The following KIAA1328 variants were observed in gnomAD, a reference collection of about 807,000 sequenced individuals.
KIAA1328 encodes the protein protein hinderin.
KIAA1328 carries 52 observed loss-of-function variants against 68.1 expected under a neutral mutation model. The observed-to-expected ratio is 0.76, with a 90% CI of 0.61 to 0.96. The LOEUF is 0.96. Ranked by LOEUF, KIAA1328 falls within the 40% of genes least tolerant of loss-of-function variation. The pLI is 0.00. For missense variants in KIAA1328, 641 were observed against 677.6 expected, an observed-to-expected ratio of 0.95 and a Z score of 0.60; for synonymous variants, 232 against 239.4, an observed-to-expected ratio of 0.97 and a Z score of 0.28.
chr18:37,079,804 T>C (rs1347321988), intron 7 of KIAA1328, among the ~76,000 whole-genome samples: 2 of 151,726 alleles, frequency 1.3e-5, no homozygotes, highest in Non-Finnish European at 2.9e-5. Context: ...CGGGAATCGC[T>C]TGAGTGCGGG....
chr18:36,897,998 G>A (rs2048920849), intron 5 of KIAA1328, among the ~76,000 whole-genome samples: 1 of 151,928 alleles, frequency 6.6e-6, no homozygotes, highest in Non-Finnish European at 1.5e-5. Flanking sequence ...GAAGCCAATA[G>A]TATTTTGGAA....
At chr18:36,953,415 TAG>T (rs1185622041) in intron 5 of KIAA1328, among the ~76,000 whole-genome samples, 8 of 137,448 alleles carry the variant, frequency 5.8e-5, no homozygotes, top group African/African-American at 2.1e-4. Flanking sequence ...GATAGATAGA[TAG>T]ATAGAGATAG....
intron 6 of KIAA1328, among the ~76,000 whole-genome samples, chr18:37,022,227 C>CT (rs2054376227): frequency 1.3e-5 from 2 of 151,964 alleles, no homozygotes; most frequent in African/African-American, 2.4e-5. Flanking sequence ...GTCCATTTCT[C>CT]TTTTAGTCTG....
intron 4 of KIAA1328, among the ~76,000 whole-genome samples, chr18:36,876,282 A>T (rs78846473): frequency 6.6e-6 from 1 of 152,168 alleles, no homozygotes; most frequent in African/African-American, 2.4e-5. Context: ...TTTGGCTGTC[A>T]ATCAGTCTGG....
At chr18:37,104,834 A>G (rs1190828965) in intron 7 of KIAA1328, among the ~76,000 whole-genome samples, 2 of 152,160 alleles carry the variant, frequency 1.3e-5, no homozygotes, top group African/African-American at 4.8e-5. Flanking sequence ...AATTTTAATC[A>G]TATCAAAAAG....
At chr18:36,945,112 T>C (rs1271213413) in intron 5 of KIAA1328, among the ~76,000 whole-genome samples, 1 of 152,224 alleles carries the variant, frequency 6.6e-6, no homozygotes, top group Non-Finnish European at 1.5e-5. Context: ...GGCTAACTTA[T>C]GTAGTATTCA....
chr18:37,119,497 G>A (rs1486039454), intron 7 of KIAA1328, among the ~76,000 whole-genome samples: 1 of 152,118 alleles, frequency 6.6e-6, no homozygotes, highest in Admixed American at 6.6e-5. Flanking sequence ...CTTGTAGATG[G>A]CCACCTTCTT....
intron 4 of KIAA1328, among the ~76,000 whole-genome samples, chr18:36,869,235 A>C (rs1287092569): frequency 6.6e-6 from 1 of 152,138 alleles, no homozygotes; most frequent in Non-Finnish European, 1.5e-5. Context: ...GTATGCCAAA[A>C]TCCATTTTCA....
At chr18:36,927,601 A>T (rs2050165909) in intron 5 of KIAA1328, among the ~76,000 whole-genome samples, 1 of 152,058 alleles carries the variant, frequency 6.6e-6, no homozygotes, top group African/African-American at 2.4e-5. Flanking sequence ...AATTTTTTTA[A>T]AATTAACTGG....
chr18:36,861,298 G>A (rs1381065963), intron 4 of KIAA1328, among the ~76,000 whole-genome samples: 1 of 152,022 alleles, frequency 6.6e-6, no homozygotes, highest in Admixed American at 6.5e-5. Flanking sequence ...AGGTTGATGT[G>A]TTGATATGTC....
At chr18:36,954,898 G>A (rs1240919476) in intron 5 of KIAA1328, among the ~76,000 whole-genome samples, 1 of 151,748 alleles carries the variant, frequency 6.6e-6, no homozygotes, top group Admixed American at 6.6e-5. Context: ...ATTTCACCAT[G>A]CCTGGGCAGG....
chr18:36,868,128 A>G (rs1168458149), intron 4 of KIAA1328, among the ~76,000 whole-genome samples: 1 of 152,194 alleles, frequency 6.6e-6, no homozygotes, highest in Non-Finnish European at 1.5e-5. Flanking sequence ...GTGAGTCTGA[A>G]TTTATGGGCT....
At chr18:36,869,004 A>C (rs1008152620) in intron 4 of KIAA1328, among the ~76,000 whole-genome samples, 1 of 150,702 alleles carries the variant, frequency 6.6e-6, no homozygotes, top group Non-Finnish European at 1.5e-5. Context: ...ACAATATGAA[A>C]ATTAGAGGGC....
chr18:37,186,606 G>C (rs2059807176), intron 9 of KIAA1328, among the ~76,000 whole-genome samples: 1 of 145,790 alleles, frequency 6.9e-6, no homozygotes, highest in Non-Finnish European at 1.5e-5. Flanking sequence ...GGAAATGCAT[G>C]AACATTGTTA....
chr18:37,177,997 T>C (rs2059627240), intron 9 of KIAA1328, among the ~76,000 whole-genome samples: 1 of 152,140 alleles, frequency 6.6e-6, no homozygotes, highest in Non-Finnish European at 1.5e-5. Context: ...TCTCTTCTAG[T>C]TATTTTGAAA....
chr18:36,978,452 G>C, intron 6 of KIAA1328, among the ~76,000 whole-genome samples: 1 of 152,202 alleles, frequency 6.6e-6, no homozygotes, highest in East Asian at 1.9e-4. Context: ...CATATTGCCA[G>C]CGAAGGGCCA....
chr18:36,950,902 C>G (rs1304713447), intron 5 of KIAA1328, among the ~76,000 whole-genome samples: 1 of 152,192 alleles, frequency 6.6e-6, no homozygotes, highest in African/African-American at 2.4e-5. Context: ...AATAGCCTAA[C>G]TGTTCATCTA....
chr18:37,147,437 A>G (rs1287111881), intron 7 of KIAA1328, among the ~76,000 whole-genome samples: 2 of 152,046 alleles, frequency 1.3e-5, no homozygotes, highest in African/African-American at 4.8e-5. Flanking sequence ...ATGAAACATT[A>G]TAGATAGGGA....
downstream of KIAA1328, chr18:37,229,543 T>A: frequency 6.3e-6 from 8 of 1,273,048 alleles, no homozygotes; most frequent in Non-Finnish European, 8.2e-6. Flanking sequence ...ATTTTTTACT[T>A]CTTCCCTTCT....
Sources: allele counts gnomAD v4.1 joint callset (sites outside exome capture counted in the v4.1 genomes callset), GRCh38; gene constraint gnomAD v4.1.1; transcripts MANE v1.5; gene names NCBI Gene and HGNC (gene_info 2026-07-23, HGNC 2026-07-21).